AKAP19: variants seen among roughly 807,000 people sequenced by gnomAD.
AKAP19 encodes the protein A-kinase anchoring protein 19, also known as small A-kinase anchoring protein.
the AKAP19 span, among the ~76,000 whole-genome samples, chr2:189,900,461 T>C: frequency 1.3e-5 from 2 of 152,310 alleles, no homozygotes; most frequent in Middle Eastern, 6.8e-3. Context: ...CTATCTTTGC[T>C]CAGCAAGCAA....
chr2:190,003,901 T>C, the AKAP19 span, among the ~76,000 whole-genome samples: 1 of 152,180 alleles, frequency 6.6e-6, no homozygotes, highest in African/African-American at 2.4e-5. Context: ...CTACTTATTA[T>C]TTTTAATTCA....
the AKAP19 span, among the ~76,000 whole-genome samples, chr2:189,982,049 G>C: frequency 6.6e-6 from 1 of 152,064 alleles, no homozygotes; most frequent in Non-Finnish European, 1.5e-5. Context: ...GTGTTGAACT[G>C]TCTACCCAAG....
At chr2:190,014,480 A>G in the AKAP19 span, among the ~76,000 whole-genome samples, 2 of 152,138 alleles carry the variant, frequency 1.3e-5, no homozygotes, top group African/African-American at 2.4e-5. Context: ...ACCTCCCACC[A>G]TGTCCCTCCC....
At chr2:190,179,479 G>A in the AKAP19 span, among the ~76,000 whole-genome samples, 1 of 152,234 alleles carries the variant, frequency 6.6e-6, no homozygotes, top group Non-Finnish European at 1.5e-5. This position sits in a 1 kb window ranked among gnomAD's most constrained non-coding sequence, Gnocchi z 6.0. Flanking sequence ...TTCTATGATT[G>A]TCAGGATGTA....
the AKAP19 span, among the ~76,000 whole-genome samples, chr2:190,010,525 A>T: frequency 2.0e-5 from 3 of 152,224 alleles, no homozygotes; most frequent in African/African-American, 7.2e-5. Context: ...CTTTATAGTC[A>T]TAAAGAAAAA....
At chr2:189,892,658 G>A in the AKAP19 span, among the ~76,000 whole-genome samples, 1 of 152,194 alleles carries the variant, frequency 6.6e-6, no homozygotes, top group Admixed American at 6.5e-5. Context: ...TCCTGTATGA[G>A]GTGTCTATCA....
chr2:189,893,246 T>C, the AKAP19 span, among the ~76,000 whole-genome samples: 61 of 152,290 alleles, frequency 4.0e-4, no homozygotes, highest in Admixed American at 9.2e-4. Context: ...CTCATTGGTG[T>C]TCCAGACACC....
At chr2:189,939,418 A>G in the AKAP19 span, among the ~76,000 whole-genome samples, 6 of 140,050 alleles carry the variant, frequency 4.3e-5, no homozygotes, top group Non-Finnish European at 7.4e-5. Context: ...CTAGCAGTGG[A>G]AAAAAAAAGT....
At chr2:190,114,748 G>A in the AKAP19 span, among the ~76,000 whole-genome samples, 14 of 152,090 alleles carry the variant, frequency 9.2e-5, no homozygotes, top group Non-Finnish European at 1.2e-4. Flanking sequence ...GAGCCACCGC[G>A]CCCAGCTGAA....
At chr2:189,973,859 T>C in the AKAP19 span, among the ~76,000 whole-genome samples, 6 of 152,198 alleles carry the variant, frequency 3.9e-5, no homozygotes, top group Non-Finnish European at 5.9e-5. Context: ...TTGCATCTAT[T>C]TGACTCCTCT....
the AKAP19 span, among the ~76,000 whole-genome samples, chr2:190,009,195 G>T: frequency 6.6e-6 from 1 of 152,114 alleles, no homozygotes; most frequent in African/African-American, 2.4e-5. Flanking sequence ...GCCTTGTAGA[G>T]GACTTTGTCT....
At chr2:189,951,423 G>A in the AKAP19 span, among the ~76,000 whole-genome samples, 809 of 152,032 alleles carry the variant, frequency 5.3e-3, 15 homozygotes, top group Admixed American at 0.042. Context: ...GGCTGGTCTC[G>A]AACTCCTGAC....
the AKAP19 span, among the ~76,000 whole-genome samples, chr2:190,126,289 C>CAAAAAAAAAAAAAAAAAAAAAAAAAAAA: frequency 6.7e-4 from 21 of 31,316 alleles, 5 homozygotes; most frequent in South Asian, 3.2e-3. Flanking sequence ...GATTCCATCT[C>CAAAAAAAAAAAAAAAAAAAAAAAAAAAA]AAAAAAAAAA....
chr2:189,902,922 C>A, the AKAP19 span, among the ~76,000 whole-genome samples: 1 of 151,220 alleles, frequency 6.6e-6, no homozygotes, highest in Non-Finnish European at 1.5e-5. Flanking sequence ...TATTAATAAT[C>A]TCTTAAAGAG....
At chr2:190,071,904 A>C in the AKAP19 span, among the ~76,000 whole-genome samples, 2,652 of 152,304 alleles carry the variant, frequency 0.017, 55 homozygotes, top group African/African-American at 0.047. Context: ...AATTTAAGAC[A>C]GAAAGTAAAA....
the AKAP19 span, among the ~76,000 whole-genome samples, chr2:189,929,034 T>C: frequency 2.6e-5 from 4 of 152,204 alleles, no homozygotes; most frequent in African/African-American, 9.6e-5. Flanking sequence ...TATTCTTACA[T>C]TAAATGGAAG....
At chr2:190,021,321 T>C in the AKAP19 span, among the ~76,000 whole-genome samples, 1 of 152,242 alleles carries the variant, frequency 6.6e-6, no homozygotes, top group Non-Finnish European at 1.5e-5. Context: ...CACCTTATTA[T>C]AATGATTCCT....
chr2:190,024,214 T>C, the AKAP19 span, among the ~76,000 whole-genome samples: 7 of 151,672 alleles, frequency 4.6e-5, no homozygotes. Context: ...GGGATGTGAG[T>C]CTAGATCAAG....
the AKAP19 span, among the ~76,000 whole-genome samples, chr2:189,911,048 G>C: frequency 1.3e-5 from 2 of 151,942 alleles, no homozygotes; most frequent in Non-Finnish European, 2.9e-5. Flanking sequence ...TGAATTGTTG[G>C]AAACTAGAAA....
Sources: allele counts gnomAD v4.1 joint callset (sites outside exome capture counted in the v4.1 genomes callset), GRCh38; gene constraint gnomAD v4.1.1; non-coding constraint Gnocchi (gnomAD v3.1); transcripts MANE v1.5; gene names NCBI Gene and HGNC (gene_info 2026-07-23, HGNC 2026-07-21).